The following SAMD8 variants were observed in gnomAD, a reference collection of about 807,000 sequenced individuals.
SAMD8 encodes the protein sphingomyelin synthase-related protein 1.
A neutral mutation model predicts 42.0 loss-of-function variants in SAMD8; 20 were observed. That is an observed-to-expected ratio of 0.48 (90% confidence interval 0.34 to 0.69). The LOEUF (loss-of-function observed/expected upper bound fraction) is 0.69. SAMD8 is among the 30% of genes least tolerant of loss of function. The probability of loss-of-function intolerance (pLI) is 0.01; values close to 1 mark genes in which losing one functional copy is unlikely to be tolerated. For missense variants in SAMD8, 328 were observed against 511.6 expected (o/e 0.64, Z 3.46); for synonymous variants, 162 against 173.0 (o/e 0.94, Z 0.50).
Position 75,177,333 on chromosome 10 carries a change from A to G in SAMD8, c.*641A>G, listed in dbSNP as rs1295592128. The G allele has an allele frequency of 6.6e-6, 1 of 152,208 alleles. No homozygotes were observed. Among genetic ancestry groups the G allele is most frequent in the Non-Finnish European group, 1.5e-5 (1 of 68,034 alleles). 9.4% of individuals were successfully genotyped at this position (152,208 alleles called of 1,614,324 possible). A position where few individuals can be genotyped will look rare whatever the true frequency, so the allele number is the denominator to read the frequency against. On this transcript the variant is annotated 3_prime_UTR_variant, in exon 6 of 6. Coordinates refer to ENST00000542569, the MANE Select transcript of SAMD8 (RefSeq NM_001174156.2). The stretch of plus-strand genomic sequence containing the variant: ...GCCATTGGTCTCCTCATTAATGCAA[A>G]TGTAGGGCTGGCATATTTCACCAAA...
intron 2 of SAMD8, 124 bp from the exon 3 acceptor site, chr10:75,164,521 T>G: frequency 7.0e-7 from 1 of 1,418,644 alleles, no homozygotes; most frequent in Admixed American, 3.1e-5. Context: ...AATATCATTT[T>G]CTGTAAGAGA....
At chr10:75,159,016 A>G (rs1040863842) in intron 2 of SAMD8, among the ~76,000 whole-genome samples, 1 of 151,502 alleles carries the variant, frequency 6.6e-6, no homozygotes, top group African/African-American at 2.4e-5. Context: ...TGCTGCTATG[A>G]ACATTCATAT....
intron 2 of SAMD8, 124 bp from the exon 3 acceptor site, chr10:75,164,521 T>C (rs1364242090): frequency 7.8e-6 from 11 of 1,418,526 alleles, no homozygotes; most frequent in Middle Eastern, 1.9e-4. Flanking sequence ...AATATCATTT[T>C]CTGTAAGAGA....
At chr10:75,127,279 G>T (rs886580115) in intron 1 of SAMD8, among the ~76,000 whole-genome samples, 5 of 151,986 alleles carry the variant, frequency 3.3e-5, no homozygotes, top group African/African-American at 1.2e-4. Context: ...TTATATTTGA[G>T]ATTTAGTTCT....
At chr10:75,121,755 G>A (rs1476818571) in intron 1 of SAMD8, among the ~76,000 whole-genome samples, 1 of 151,680 alleles carries the variant, frequency 6.6e-6, no homozygotes, top group Non-Finnish European at 1.5e-5. Context: ...GCAGTGGTGC[G>A]ATCTTGGCTC....
chr10:75,176,758 T>C lies in SAMD8; in HGVS notation c.*66T>C. On this transcript the variant is annotated 3_prime_UTR_variant, in exon 6 of 6. Coordinates refer to ENST00000542569, the MANE Select transcript of SAMD8 (RefSeq NM_001174156.2). The surrounding 1 kb of genome is among the most constrained non-coding windows in gnomAD (Gnocchi z 4.3). Reference sequence around the variant, plus strand: ...GTTGTTGAAAATGAGTAACTTTGCGTTCTCCCCCTAGGTTGTTCTTAGATG... The same window carrying C: ...GTTGTTGAAAATGAGTAACTTTGCGCTCTCCCCCTAGGTTGTTCTTAGATG... 2 of 1,253,896 alleles carry C rather than the reference T, an allele frequency of 1.6e-6. No homozygotes were observed. Among genetic ancestry groups the C allele is most frequent in the Non-Finnish European group, 1.1e-6 (1 of 918,606 alleles). The allele number at this position is 1,253,896 out of a possible 1,614,324, so 77.7% of individuals were successfully genotyped here. A position where few individuals can be genotyped will look rare whatever the true frequency, so the allele number is the denominator to read the frequency against.
At chr10:75,160,283 G>A (rs1001668457) in intron 2 of SAMD8, among the ~76,000 whole-genome samples, 1 of 151,800 alleles carries the variant, frequency 6.6e-6, no homozygotes, top group African/African-American at 2.4e-5. Flanking sequence ...TGCAAGCTCC[G>A]CCTCCTGGGT....
At chr10:75,106,105 T>C (rs1284573591) in intron 1 of SAMD8, among the ~76,000 whole-genome samples, 30 of 142,586 alleles carry the variant, frequency 2.1e-4, no homozygotes, top group South Asian at 6.6e-4. Flanking sequence ...TCTTTTCTTT[T>C]TTTTTTTTTT....
chr10:75,157,703 A>T (rs1468280053), intron 2 of SAMD8, among the ~76,000 whole-genome samples: 1 of 152,176 alleles, frequency 6.6e-6, no homozygotes, highest in Non-Finnish European at 1.5e-5. Context: ...TAGTAGTCAT[A>T]TTAGCATTGT....
chr10:75,105,941 G>A lies in SAMD8; in HGVS notation c.-16+6213G>A, dbSNP rs569873635. ...CCCACGGGCTGGGATGGGGACCCAA[G>A]TTCCTTTCCTGACCCTGCCTTGGGT... is the stretch of plus-strand genomic sequence containing the variant. On this transcript the variant is annotated intron_variant, in intron 1 of 3. Transcript: ENST00000447533. 9.6e-5 allele frequency: 136 copies of A among 1,422,666 alleles called. No individual in the cohort carries two copies. The African/African-American group carries it at 1.8e-3, about 19-fold the overall frequency. The allele number at this position is 1,422,666 out of a possible 1,614,324, so 88.1% of individuals were successfully genotyped here.
chr10:75,172,804 ATTTTTT>A (rs938231262), intron 4 of SAMD8, among the ~76,000 whole-genome samples: 1 of 148,178 alleles, frequency 6.7e-6, no homozygotes, highest in African/African-American at 2.5e-5. Context: ...CCTAATTTTA[ATTTTTT>A]TTTTGTAGAA....
intron 1 of SAMD8, among the ~76,000 whole-genome samples, chr10:75,121,136 A>G (rs969258710): frequency 3.9e-5 from 6 of 152,182 alleles, no homozygotes; most frequent in African/African-American, 7.2e-5. Flanking sequence ...AGTGCATTAC[A>G]TGTATAATTC....
chr10:75,173,616 A>G (rs893018770), intron 4 of SAMD8, among the ~76,000 whole-genome samples: 10 of 152,182 alleles, frequency 6.6e-5, no homozygotes, highest in African/African-American at 2.4e-4. Flanking sequence ...TCTCAAGAGT[A>G]ATATATCTCT....
chr10:75,102,991 T>C (rs1406152591), intron 1 of SAMD8, among the ~76,000 whole-genome samples: 1 of 152,112 alleles, frequency 6.6e-6, no homozygotes, highest in African/African-American at 2.4e-5. Context: ...CACACACTTA[T>C]AGTCCCTCCT....
At chr10:75,111,435 GC>G, upstream of SAMD8, 1 of 1,066,542 alleles carries the variant, frequency 9.4e-7, no homozygotes, top group Middle Eastern at 3.5e-4. Flanking sequence ...TCCAGTGTGG[GC>G]CCCGCCCCCT....
At chr10:75,105,546 C>CCA in intron 1 of SAMD8, 1 of 1,054,430 alleles carries the variant, frequency 9.5e-7, no homozygotes, top group Non-Finnish European at 1.4e-6. Context: ...TCACTTCCAG[C>CCA]CACACACAGC....
chr10:75,147,859 AAAT>A (rs1757081330), intron 1 of SAMD8, among the ~76,000 whole-genome samples: 1 of 152,024 alleles, frequency 6.6e-6, no homozygotes, highest in South Asian at 2.1e-4. Flanking sequence ...AAATGATATA[AAAT>A]AATATAATAA....
chr10:75,157,647 T>C (rs973197002), intron 2 of SAMD8, among the ~76,000 whole-genome samples: 2 of 152,072 alleles, frequency 1.3e-5, no homozygotes, highest in South Asian at 2.1e-4. Flanking sequence ...GGAGAGTGAA[T>C]AGACTTGTGT....
intron 1 of SAMD8, chr10:75,150,192 G>GCT (rs1840250875): frequency 6.6e-6 from 1 of 151,610 alleles, no homozygotes; most frequent in Non-Finnish European, 1.5e-5. Context: ...GCGCACTGCA[G>GCT]CTTTGACCTC....
Sources: gnomAD v4.1 joint callset for allele counts (sites outside exome capture counted in the v4.1 genomes callset) on GRCh38, gnomAD v4.1.1 for gene constraint, Gnocchi (gnomAD v3.1) non-coding constraint, MANE v1.5 for transcripts, NCBI Gene and HGNC (gene_info 2026-07-23, HGNC 2026-07-21) for gene names.